Variants in LRRC56 observed in about 807,000 individuals in gnomAD.
LRRC56 encodes leucine-rich repeat-containing protein 56.
LRRC56 carries 41 observed loss-of-function variants against 47.8 expected under a neutral mutation model. That is an observed-to-expected ratio of 0.86 (90% CI 0.67 to 1.11). The LOEUF is 1.11. Ranked by LOEUF, LRRC56 falls within the 50% of genes most tolerant of loss-of-function variation. LRRC56 has a pLI of 0.00. For missense variants in LRRC56, 759 were observed against 704.2 expected, an observed-to-expected ratio of 1.08 and a Z score of -0.88; for synonymous variants, 387 against 311.2, an observed-to-expected ratio of 1.24 and a Z score of -2.56.
the LRRC56 span, among the ~76,000 whole-genome samples, chr11:523,495 G>A: frequency 6.6e-6 from 1 of 151,678 alleles, no homozygotes; most frequent in Non-Finnish European, 1.5e-5. Context: ...GCCACGTGTG[G>A]TGGTGGGCAC....
At chr11:540,922 T>C in intron 4 of LRRC56, 61 bp downstream of exon 4, 1 of 1,323,662 alleles carries the variant, frequency 7.6e-7, no homozygotes, top group Non-Finnish European at 1.0e-6. Flanking sequence ...ATCCCAGGGC[T>C]CCTTCCTGCT....
chr11:544,827 C>A, intron 6 of LRRC56, 47 bp downstream of exon 6: 2 of 1,473,604 alleles, frequency 1.4e-6, no homozygotes, highest in Non-Finnish European at 1.8e-6. Flanking sequence ...TGAGGGGGTC[C>A]GATGGGACAG....
At chr11:543,565 C>T (rs28636674) in intron 5 of LRRC56, among the ~76,000 whole-genome samples, 151,336 of 152,252 alleles carry the variant, frequency 0.99, 75,221 homozygotes, top group Middle Eastern at 1. Context: ...GGATCACTGG[C>T]TGTCTGCATT....
At chr11:510,113 C>G in the LRRC56 span, among the ~76,000 whole-genome samples, 2 of 152,184 alleles carry the variant, frequency 1.3e-5, no homozygotes, top group Admixed American at 6.5e-5. Context: ...CACCAGCCTA[C>G]ACGTTAGCTT....
Position 553,948 on chromosome 11 carries a change from C to T in LRRC56, c.1316-15C>T, listed in dbSNP as rs749742241. The stretch of plus-strand genomic sequence containing the variant: ...ACAGCCTTTCTGACGTCCCATCACT[C>T]TGCTTGCTTTCTAGAGCCCTCCGGG... On this transcript the variant is annotated splice_polypyrimidine_tract_variant and intron_variant, in intron 13 of 13. Coordinates refer to ENST00000270115, the MANE Select transcript of LRRC56 (RefSeq NM_198075.4). 1.2e-6 allele frequency: 2 copies of T among 1,606,990 alleles called. No individual in the cohort carries two copies. The highest frequency in any genetic ancestry group is 3.4e-5 in the Admixed American group (2 of 59,080).
the LRRC56 span, chr11:507,053 G>A: frequency 6.6e-6 from 1 of 152,198 alleles, no homozygotes; most frequent in Non-Finnish European, 1.5e-5. Flanking sequence ...CAAGAAGCCC[G>A]ACCAAGGCCG....
the LRRC56 span, among the ~76,000 whole-genome samples, chr11:508,763 G>T: frequency 6.6e-6 from 1 of 150,936 alleles, no homozygotes; most frequent in Admixed American, 6.6e-5. Context: ...TGAAACTCTG[G>T]CTGGGCGCGG....
At chr11:518,637 T>C in the LRRC56 span, among the ~76,000 whole-genome samples, 1 of 152,138 alleles carries the variant, frequency 6.6e-6, no homozygotes, top group African/African-American at 2.4e-5. Context: ...GTTCACTTTA[T>C]TACTTGGAGA....
chr11:537,453 GTAT>G (rs1442463264), upstream of LRRC56: 3 of 152,270 alleles, frequency 2.0e-5, no homozygotes, highest in Non-Finnish European at 2.9e-5. Context: ...AAATATTTGC[GTAT>G]TCAAATGAGG....
chr11:519,218 C>G, the LRRC56 span, among the ~76,000 whole-genome samples: 1 of 152,244 alleles, frequency 6.6e-6, no homozygotes, highest in Non-Finnish European at 1.5e-5. Flanking sequence ...CTTAGATCTC[C>G]GTGTTTCTTC....
At chr11:514,165 T>A in the LRRC56 span, among the ~76,000 whole-genome samples, 1 of 148,938 alleles carries the variant, frequency 6.7e-6, no homozygotes, top group Admixed American at 6.7e-5. Context: ...CTGATTTTTT[T>A]CCATTTTTAG....
chr11:511,281 A>G, the LRRC56 span, among the ~76,000 whole-genome samples: 1 of 150,706 alleles, frequency 6.6e-6, no homozygotes, highest in Admixed American at 6.7e-5. Flanking sequence ...AGATCGCGCC[A>G]CTGCACTCCA....
the LRRC56 span, among the ~76,000 whole-genome samples, chr11:519,043 G>A: frequency 8.4e-3 from 1,264 of 150,906 alleles, 20 homozygotes; most frequent in African/African-American, 0.029. Context: ...CGCGAGGGCA[G>A]CTCCCGTGTG....
chr11:507,922 C>G, the LRRC56 span, among the ~76,000 whole-genome samples: 1 of 152,272 alleles, frequency 6.6e-6, no homozygotes, highest in Non-Finnish European at 1.5e-5. Flanking sequence ...CCTGCGTCCA[C>G]TCTGCTGCCG....
intron 6 of LRRC56, among the ~76,000 whole-genome samples, chr11:545,951 T>A (rs909808548): frequency 6.6e-6 from 1 of 152,216 alleles, no homozygotes; most frequent in African/African-American, 2.4e-5. Flanking sequence ...TTGATTTTCC[T>A]TATTTGTACT....
rs1247776289 is a variant in LRRC56 at position 550,143 on chromosome 11, G to A, written c.495G>A (p.Leu165=). The A allele has an allele frequency of 1.9e-6, 3 of 1,613,526 alleles. No homozygotes were observed. Among genetic ancestry groups the A allele is most frequent in the Non-Finnish European group, 2.5e-6 (3 of 1,179,908 alleles). Residue 165 remains leucine, a synonymous_variant, in exon 8 of 14, where the codon CTG becomes CTA. Coordinates refer to ENST00000270115, the MANE Select transcript of LRRC56 (RefSeq NM_198075.4). ...PLCLLEQLEV[L]DLEGNSVEDL... ...GCCTGCTGGAACAATTGGAGGTGCTGGACCTGGAGGGCAACAGCGTGGAGG... is the reference window on the plus strand; with the variant it reads ...GCCTGCTGGAACAATTGGAGGTGCTAGACCTGGAGGGCAACAGCGTGGAGG...
At chr11:542,818 C>T (rs1244245028) in intron 5 of LRRC56, among the ~76,000 whole-genome samples, 3 of 152,038 alleles carry the variant, frequency 2.0e-5, no homozygotes, top group Admixed American at 6.6e-5. Context: ...AGTGCGATGG[C>T]CAAAGTCAGG....
rs771152747 is a variant in LRRC56 at position 541,346 on chromosome 11, A to C, written c.178-191A>C. On this transcript the variant is annotated intron_variant, in intron 4 of 13. Coordinates refer to ENST00000270115, the MANE Select transcript of LRRC56 (RefSeq NM_198075.4). The surrounding 1 kb of genome is among the most constrained non-coding windows in gnomAD (Gnocchi z 4.1). ...TTCTCCCGCAATGACCCCCCAGCCA[A>C]GTGCAGCACAAGCTCTGCTCCTGTC... Among the ~76,000 whole-genome samples, 6 of 152,132 alleles carry C rather than the reference A, an allele frequency of 3.9e-5. No individual in the cohort carries two copies. The highest frequency in any genetic ancestry group is 8.8e-5 in the Non-Finnish European group (6 of 68,006).
At chr11:517,691 C>T in the LRRC56 span, among the ~76,000 whole-genome samples, 10 of 152,088 alleles carry the variant, frequency 6.6e-5, no homozygotes, top group South Asian at 2.1e-4. Context: ...CCATCGAGAA[C>T]GGGCCATGAT....
Sources: allele counts gnomAD v4.1 joint callset (sites outside exome capture counted in the v4.1 genomes callset), GRCh38; gene constraint gnomAD v4.1.1; non-coding constraint Gnocchi (gnomAD v3.1); transcripts MANE v1.5; gene names NCBI Gene and HGNC (gene_info 2026-07-23, HGNC 2026-07-21).